XPNPEP1: variants seen among roughly 807,000 people sequenced by gnomAD.
XPNPEP1 encodes the protein X-prolyl aminopeptidase 1, also known as xaa-Pro aminopeptidase 1.
XPNPEP1 carries 39 observed loss-of-function variants against 92.4 expected under a neutral mutation model. The observed-to-expected ratio is 0.42, with a 90% CI of 0.33 to 0.55. XPNPEP1 has a LOEUF of 0.55. XPNPEP1 is among the 20% of genes least tolerant of loss of function. XPNPEP1 has a pLI of 0.08. For missense variants in XPNPEP1, 654 were observed against 856.1 expected, an observed-to-expected ratio of 0.76 and a Z score of 2.95; for synonymous variants, 307 against 299.4, an observed-to-expected ratio of 1.03 and a Z score of -0.26.
At position 109,884,075 on chromosome 10, in the gene XPNPEP1, C is replaced by A; in HGVS notation, c.822G>T (p.Glu274Asp). The A allele has an allele frequency of 6.2e-7, 1 of 1,613,982 alleles. No homozygotes were observed. The highest frequency in any genetic ancestry group is 8.5e-7 in the Non-Finnish European group (1 of 1,179,912). Residue 274 changes from glutamate to aspartate, a missense_variant, in exon 9 of 21, where the codon GAG (glutamate) becomes GAT (aspartate). By Grantham distance (45) the Glu-to-Asp change is conservative. Coordinates refer to ENST00000502935, the MANE Select transcript of XPNPEP1 (RefSeq NM_020383.4). ...VFFSYAIIGL[E>D]TIMLFIDGDR... ...GCAGGGCAAACACTCACATGATCGT[C>A]TCTAGTCCTATGATTGCGTAGGAGA...
rs905920310 is a variant in XPNPEP1 at position 109,905,781 on chromosome 10, A to G, written c.246+1910T>C. 2.0e-5 allele frequency among the ~76,000 whole-genome samples: 3 copies of G among 152,340 alleles called. No homozygotes were observed. The Middle Eastern group carries it at 0.01, about 518-fold the overall frequency. On this transcript the variant is annotated intron_variant, in intron 3 of 20. Transcript: ENST00000502935. Reference sequence around the variant, plus strand: ...CACTATTTTCTCAACTAACAAATATATTTTTTGTAGAGCATCTTACAAGAC... The same window carrying G: ...CACTATTTTCTCAACTAACAAATATGTTTTTTGTAGAGCATCTTACAAGAC...
intron 2 of XPNPEP1, among the ~76,000 whole-genome samples, chr10:109,909,282 T>A (rs1232447924): frequency 2.0e-5 from 3 of 151,672 alleles, no homozygotes; most frequent in African/African-American, 7.3e-5. Flanking sequence ...AAAAAATAAA[T>A]AAATAAAGTA....
intron 7 of XPNPEP1, among the ~76,000 whole-genome samples, chr10:109,887,210 A>G (rs1054253471): frequency 7.9e-5 from 12 of 152,190 alleles, no homozygotes; most frequent in African/African-American, 2.9e-4. Flanking sequence ...CTCTAGTGAA[A>G]AAAACTTCAA....
In XPNPEP1 at chr10:109,897,706, T is replaced by C. The variant is rs182229021; in HGVS notation, c.247-4631A>G. 1.7e-4 allele frequency among the ~76,000 whole-genome samples: 25 copies of C among 150,934 alleles called. No individual in the cohort carries two copies. In the East Asian group the frequency reaches 4.9e-3, roughly 29 times the overall value. ...TCTTGCTTTGTCGCCTGGGCTGGAG[T>C]GCAGTGGCGCAATCTAGGCTCACTA... On this transcript the variant is annotated intron_variant, in intron 3 of 20. Coordinates refer to ENST00000502935, the MANE Select transcript of XPNPEP1 (RefSeq NM_020383.4).
intron 1 of XPNPEP1, among the ~76,000 whole-genome samples, chr10:109,918,858 G>GGAA (rs1850350935): frequency 1.6e-4 from 14 of 87,282 alleles, no homozygotes; most frequent in South Asian, 3.7e-4. Context: ...GAAGGAAGGA[G>GGAA]GGAAGGAAGG....
intron 3 of XPNPEP1, among the ~76,000 whole-genome samples, chr10:109,900,043 C>A (rs1349248401): frequency 1.3e-5 from 2 of 152,230 alleles, no homozygotes; most frequent in African/African-American, 4.8e-5. Context: ...TACCACAACC[C>A]TTGCTCTGAG....
intron 15 of XPNPEP1, among the ~76,000 whole-genome samples, chr10:109,874,505 A>G (rs1403681852): frequency 6.6e-6 from 1 of 152,244 alleles, no homozygotes; most frequent in East Asian, 1.9e-4. Flanking sequence ...TTACACCATT[A>G]TCAAGCAATC....
intron 3 of XPNPEP1, among the ~76,000 whole-genome samples, chr10:109,905,027 T>A (rs932158850): frequency 1.3e-5 from 2 of 151,452 alleles, no homozygotes; most frequent in Admixed American, 1.3e-4. Context: ...CATCCACAGA[T>A]GAACAGGTTA....
intron 1 of XPNPEP1, among the ~76,000 whole-genome samples, chr10:109,917,409 T>G (rs939443238): frequency 3.9e-5 from 6 of 152,050 alleles, no homozygotes; most frequent in Non-Finnish European, 7.4e-5. Context: ...TAGTTAGAAA[T>G]AAATTTAACA....
intron 19 of XPNPEP1, among the ~76,000 whole-genome samples, chr10:109,869,302 T>C (rs1254307723): frequency 1.3e-5 from 2 of 152,174 alleles, no homozygotes; most frequent in African/African-American, 2.4e-5. Flanking sequence ...GGAAGCTACT[T>C]CCCTCCAATT....
intron 9 of XPNPEP1, 75 bp downstream of exon 9, chr10:109,883,992 G>T: frequency 1.5e-6 from 2 of 1,359,958 alleles, no homozygotes; most frequent in Non-Finnish European, 2.0e-6. Context: ...TGATGGGTGG[G>T]CCAGGACCAG....
At chr10:109,898,784 G>C (rs1444562708) in intron 3 of XPNPEP1, among the ~76,000 whole-genome samples, 1 of 152,234 alleles carries the variant, frequency 6.6e-6, no homozygotes, top group Non-Finnish European at 1.5e-5. Context: ...AAGTTGAAGA[G>C]AGGGTGGTGA....
chr10:109,895,928 T>A (rs1249128184), intron 3 of XPNPEP1, among the ~76,000 whole-genome samples: 1 of 152,190 alleles, frequency 6.6e-6, no homozygotes, highest in African/African-American at 2.4e-5. Flanking sequence ...TGGCTTCCTA[T>A]TATATTTAAG....
At chr10:109,919,599 T>C (rs1850415750) in intron 1 of XPNPEP1, among the ~76,000 whole-genome samples, 6 of 152,198 alleles carry the variant, frequency 3.9e-5, no homozygotes, top group Admixed American at 2.6e-4. Context: ...ATTGAAAATA[T>C]ATATCCTTAT....
chr10:109,877,370 G>A (rs1847841462), intron 14 of XPNPEP1: 1 of 166,584 alleles, frequency 6.0e-6, no homozygotes. Flanking sequence ...GGAGGCTGAG[G>A]CAGGAGGATT....
chr10:109,873,538 G>A (rs1847606436), intron 15 of XPNPEP1, 111 bp from the exon 16 acceptor site: 1 of 1,277,068 alleles, frequency 7.8e-7, no homozygotes. Flanking sequence ...TGGTGGGCAT[G>A]TAAAATAGCA....
chr10:109,898,181 G>A (rs926575776), intron 3 of XPNPEP1, among the ~76,000 whole-genome samples: 1 of 152,168 alleles, frequency 6.6e-6, no homozygotes, highest in Non-Finnish European at 1.5e-5. Flanking sequence ...CCACTTACTA[G>A]CTGGGTGAAC....
Position 109,864,988 on chromosome 10 carries a change from A to G in XPNPEP1, c.*196T>C. On this transcript the variant is annotated 3_prime_UTR_variant, in exon 21 of 21. Transcript: ENST00000502935. ...TTTTATTCTTGGCTTGTTCTCAACA[A>G]TTAAAAAATCATAAAAGACTGAGTG... The G allele has an allele frequency of 9.7e-6, 8 of 826,756 alleles. No individual in the cohort carries two copies. The highest frequency in any genetic ancestry group is 1.4e-5 in the Non-Finnish European group (8 of 556,546). 51.2% of individuals were successfully genotyped at this position (826,756 alleles called of 1,614,324 possible).
At chr10:109,919,848 A>G (rs2133585905) in intron 1 of XPNPEP1, among the ~76,000 whole-genome samples, 1 of 152,320 alleles carries the variant, frequency 6.6e-6, no homozygotes, top group Non-Finnish European at 1.5e-5. Context: ...CCTGGCCAAC[A>G]TGGTGAAACC....
Sources: allele counts gnomAD v4.1 joint callset (sites outside exome capture counted in the v4.1 genomes callset), GRCh38; gene constraint gnomAD v4.1.1; transcripts MANE v1.5; gene names NCBI Gene and HGNC (gene_info 2026-07-23, HGNC 2026-07-21).